The following CARMIL1 variants were observed in gnomAD, a reference collection of about 807,000 sequenced individuals.
The protein encoded by CARMIL1 is F-actin-uncapping protein LRRC16A.
Under a neutral mutation model 177.1 loss-of-function variants are expected in CARMIL1, and 90 were observed. That is an observed-to-expected ratio of 0.51 (90% confidence interval 0.43 to 0.61). The LOEUF (loss-of-function observed/expected upper bound fraction) is 0.61, where lower values mean the gene tolerates loss of function less well. Among genes scored for constraint, CARMIL1 ranks in the 20% least tolerant of loss-of-function variants. The pLI, the probability that CARMIL1 is intolerant of heterozygous loss-of-function variation, is 0.00. For missense variants in CARMIL1, 1,380 were observed against 1,667.0 expected, an observed-to-expected ratio of 0.83 and a Z score of 3.00; for synonymous variants, 577 against 606.2, an observed-to-expected ratio of 0.95 and a Z score of 0.71.
chr6:25,279,529 G>C lies in CARMIL1; in HGVS notation c.-267G>C. ...CGCGCCCCGCGCCCGCTTGTAATCC[G>C]GTCCGCTCCTTATTCAGCCGCCGGG... is the stretch of plus-strand genomic sequence containing the variant. On this transcript the variant is annotated 5_prime_UTR_variant, in exon 1 of 37. Coordinates refer to ENST00000329474, the MANE Select transcript of CARMIL1 (RefSeq NM_017640.6). 3 of 550,404 alleles carry C rather than the reference G, an allele frequency of 5.5e-6. No homozygotes were observed. Among genetic ancestry groups the C allele is most frequent in the Non-Finnish European group, 9.8e-6 (3 of 306,160 alleles). 34.1% of individuals were successfully genotyped at this position (550,404 alleles called of 1,614,324 possible). A position where few individuals can be genotyped will look rare whatever the true frequency, so the allele number is the denominator to read the frequency against.
chr6:25,563,795 C>T (rs1399569013), intron 29 of CARMIL1: 20 of 985,188 alleles, frequency 2.0e-5, no homozygotes, highest in African/African-American at 7.0e-5. Context: ...ACAGAACCAC[C>T]GTCTGTGTAA....
chr6:25,485,883 C>A (rs1802599902), intron 12 of CARMIL1, among the ~76,000 whole-genome samples: 1 of 151,606 alleles, frequency 6.6e-6, no homozygotes, highest in African/African-American at 2.4e-5. Context: ...CAGTGTTAAG[C>A]TTCTGGTGAA....
chr6:25,427,039 C>T (rs998376927), intron 4 of CARMIL1, among the ~76,000 whole-genome samples: 7 of 152,150 alleles, frequency 4.6e-5, no homozygotes, highest in Admixed American at 4.6e-4. Flanking sequence ...CCCTCTTCCC[C>T]ACCTGCAGTC....
At chr6:25,514,186 C>T (rs1805725962) in intron 20 of CARMIL1, among the ~76,000 whole-genome samples, 1 of 152,104 alleles carries the variant, frequency 6.6e-6, no homozygotes. Flanking sequence ...CTTTCAATAT[C>T]TGGTTTAAAT....
chr6:25,556,747 C>T lies in CARMIL1; in HGVS notation c.2639C>T (p.Ser880Phe). 6.2e-7 allele frequency: 1 copy of T among 1,613,500 alleles called. No individual in the cohort carries two copies. ...GGCAAGACCCTTCCTCAACAAGAAT[C>T]CTTAGAGATCGAGCTGGCTGAGGAG... ...RRGKTLPQQE[S>F]LEIELAEEKP... Residue 880 changes from serine to phenylalanine, a missense_variant, in exon 29 of 37, where the codon TCC (serine) becomes TTC (phenylalanine). By Grantham distance (155) the Ser-to-Phe change is radical. Coordinates refer to ENST00000329474, the MANE Select transcript of CARMIL1 (RefSeq NM_017640.6).
intron 2 of CARMIL1, among the ~76,000 whole-genome samples, chr6:25,383,205 C>T (rs1393117102): frequency 1.3e-5 from 2 of 152,048 alleles, no homozygotes; most frequent in African/African-American, 4.8e-5. Flanking sequence ...TGGGTAGTGG[C>T]ATGAGAAAGT....
chr6:25,304,439 G>GT (rs372549863), intron 2 of CARMIL1, among the ~76,000 whole-genome samples: 6 of 152,218 alleles, frequency 3.9e-5, no homozygotes, highest in African/African-American at 1.4e-4. Flanking sequence ...GACCGAGTGG[G>GT]TAGGGGGATG....
chr6:25,609,366 T>A (rs982779372), intron 35 of CARMIL1, among the ~76,000 whole-genome samples: 1 of 151,408 alleles, frequency 6.6e-6, no homozygotes, highest in Admixed American at 6.6e-5. Context: ...CTTGGGAGGC[T>A]GAGGCAGGAG....
rs538143672 is a variant in CARMIL1, at chr6:25,294,596, C to T, written c.138+9687C>T. Among the ~76,000 whole-genome samples, 4 of 152,310 alleles carry T rather than the reference C, an allele frequency of 2.6e-5. No individual in the cohort carries two copies. The East Asian group carries it at 5.8e-4, about 22-fold the overall frequency. Reference sequence around the variant, plus strand: ...GCTTCTCACTCTCCATTTCTTCTTGCATAGTCTACTGGAATATCACAGAAC... The same window carrying T: ...GCTTCTCACTCTCCATTTCTTCTTGTATAGTCTACTGGAATATCACAGAAC... On this transcript the variant is annotated intron_variant, in intron 2 of 36. Coordinates refer to ENST00000329474, the MANE Select transcript of CARMIL1 (RefSeq NM_017640.6).
At chr6:25,526,468 T>A (rs567113094) in intron 23 of CARMIL1, among the ~76,000 whole-genome samples, 9 of 151,810 alleles carry the variant, frequency 5.9e-5, no homozygotes, top group African/African-American at 2.2e-4. Context: ...TTCTCTCCCC[T>A]CCCCTTTCCT....
At position 25,279,456 on chromosome 6, in the gene CARMIL1, C is replaced by G. The variant is rs1388059247; in HGVS notation, c.-340C>G. 12 of 421,828 alleles carry G rather than the reference C, an allele frequency of 2.8e-5. No individual in the cohort carries two copies. Among genetic ancestry groups the G allele is most frequent in the South Asian group, 4.8e-5 (2 of 41,354 alleles). The allele number at this position is 421,828 out of a possible 1,614,324, so 26.1% of individuals were successfully genotyped here. A position where few individuals can be genotyped will look rare whatever the true frequency, so the allele number is the denominator to read the frequency against. On this transcript the variant is annotated 5_prime_UTR_variant, in exon 1 of 37. Coordinates refer to ENST00000329474, the MANE Select transcript of CARMIL1 (RefSeq NM_017640.6). ...GCGGGAGCTACGCCGGCCCAAGCCC[C>G]GCCGGGGACCAGCGAGCCGGGAGGA... is the stretch of plus-strand genomic sequence containing the variant.
intron 2 of CARMIL1, among the ~76,000 whole-genome samples, chr6:25,325,077 A>G (rs1372721217): frequency 6.6e-6 from 1 of 152,206 alleles, no homozygotes; most frequent in Non-Finnish European, 1.5e-5. Flanking sequence ...TGTGATGAAT[A>G]TTAGTGGGAA....
At chr6:25,542,734 TAATGG>T (rs1809047628) in intron 26 of CARMIL1, among the ~76,000 whole-genome samples, 1 of 152,190 alleles carries the variant, frequency 6.6e-6, no homozygotes, top group Non-Finnish European at 1.5e-5. Flanking sequence ...TTGATACTTA[TAATGG>T]ACTTCCTTAT....
intron 2 of CARMIL1, among the ~76,000 whole-genome samples, chr6:25,322,007 T>C (rs548150961): frequency 6.6e-6 from 1 of 152,208 alleles, no homozygotes; most frequent in Admixed American, 6.5e-5. Context: ...TTGCCTAGGC[T>C]GCGTTAGAAC....
chr6:25,618,540 C>T (rs1759476511), intron 36 of CARMIL1, among the ~76,000 whole-genome samples: 1 of 152,178 alleles, frequency 6.6e-6, no homozygotes. Flanking sequence ...GGTATCATAG[C>T]AGTGAAGCCA....
At chr6:25,376,145 A>C (rs1208362835) in intron 2 of CARMIL1, among the ~76,000 whole-genome samples, 1 of 152,202 alleles carries the variant, frequency 6.6e-6, no homozygotes, top group Non-Finnish European at 1.5e-5. Context: ...CAATGGCACG[A>C]TCTTGGCTCA....
chr6:25,606,049 T>G lies in CARMIL1; in HGVS notation c.3635-12T>G. 6.3e-7 allele frequency: 1 copy of G among 1,596,820 alleles called. No homozygotes were observed. The highest frequency in any genetic ancestry group is 8.5e-7 in the Non-Finnish European group (1 of 1,171,622). On this transcript the variant is annotated splice_polypyrimidine_tract_variant and intron_variant, in intron 34 of 36. Coordinates refer to ENST00000329474, the MANE Select transcript of CARMIL1 (RefSeq NM_017640.6). ...TGACCTTTGATTTTTAAAGTGGCCT[T>G]TTTCATCTTAGTGCCTAAACTGCAC...
chr6:25,430,119 C>T lies in CARMIL1; in HGVS notation c.249+3559C>T, dbSNP rs558039602. 3.9e-5 allele frequency among the ~76,000 whole-genome samples: 6 copies of T among 152,112 alleles called. No individual in the cohort carries two copies. The South Asian group carries it at 1.0e-3, about 26-fold the overall frequency. Reference sequence around the variant, plus strand: ...TTAGCCTCCCAAAGTGTTGGGATTACAGGCCTGAGCCATGATATATTATTT... The same window carrying T: ...TTAGCCTCCCAAAGTGTTGGGATTATAGGCCTGAGCCATGATATATTATTT... On this transcript the variant is annotated intron_variant, in intron 4 of 36. Transcript: ENST00000329474.
In CARMIL1 at chr6:25,588,401, G is replaced by T. The variant is rs146591860; in HGVS notation, c.3007-6014G>T. Among the ~76,000 whole-genome samples the T allele has an allele frequency of 2.7e-3, 417 of 152,238 alleles. 11 individuals are homozygous for T. The highest frequency in any genetic ancestry group is 0.024 in the Admixed American group (373 of 15,284). On this transcript the variant is annotated intron_variant, in intron 31 of 36. Coordinates refer to ENST00000329474, the MANE Select transcript of CARMIL1 (RefSeq NM_017640.6). The stretch of plus-strand genomic sequence containing the variant: ...GGATCCAGGCTACTTTTACTTTGTG[G>T]CTCTACCCTCCTTTTTGGTCCCTCA...
Sources: allele counts gnomAD v4.1 joint callset (sites outside exome capture counted in the v4.1 genomes callset), GRCh38; gene constraint gnomAD v4.1.1; transcripts MANE v1.5; gene names NCBI Gene and HGNC (gene_info 2026-07-23, HGNC 2026-07-21).